The following DSCAML1 variants were observed in gnomAD, a reference collection of about 807,000 sequenced individuals.
DSCAML1 encodes DS cell adhesion molecule like 1.
A neutral mutation model predicts 200.5 loss-of-function variants in DSCAML1; 38 were observed. That is an observed-to-expected ratio of 0.19 (90% CI 0.15 to 0.25). The LOEUF is 0.25. Among genes scored for constraint, DSCAML1 ranks in the 10% least tolerant of loss-of-function variants. The pLI, the probability that DSCAML1 is intolerant of heterozygous loss-of-function variation, is 1.00. For synonymous variants in DSCAML1, 1,215 were observed against 1,165.0 expected (o/e 1.04, Z -0.87); for missense variants, 2,223 against 2,858.8 (o/e 0.78, Z 5.07).
chr11:117,714,910 C>T (rs1271849817), intron 3 of DSCAML1, among the ~76,000 whole-genome samples: 3 of 151,854 alleles, frequency 2.0e-5, no homozygotes, highest in Non-Finnish European at 4.4e-5. Context: ...AGGCCCCAGG[C>T]CCCAGCCGTC....
intron 3 of DSCAML1, among the ~76,000 whole-genome samples, chr11:117,742,070 T>G (rs1159520711): frequency 6.6e-6 from 1 of 152,202 alleles, no homozygotes; most frequent in Non-Finnish European, 1.5e-5. Flanking sequence ...CTTTGGACGA[T>G]GGCTGGCCCA....
intron 3 of DSCAML1, among the ~76,000 whole-genome samples, chr11:117,613,243 G>A (rs1167254780): frequency 6.6e-6 from 1 of 152,050 alleles, no homozygotes; most frequent in Non-Finnish European, 1.5e-5. Flanking sequence ...CAGGACTGCT[G>A]ATGTTGCTGG....
At chr11:117,790,640 C>T (rs1160009331) in intron 1 of DSCAML1, among the ~76,000 whole-genome samples, 1 of 152,186 alleles carries the variant, frequency 6.6e-6, no homozygotes, top group African/African-American at 2.4e-5. Context: ...TTGCCTCATT[C>T]TGTATACAAA....
At chr11:117,735,634 C>G (rs1008133093) in intron 3 of DSCAML1, among the ~76,000 whole-genome samples, 2 of 152,220 alleles carry the variant, frequency 1.3e-5, no homozygotes, top group Non-Finnish European at 2.9e-5. Context: ...AGAATGGCAG[C>G]CTGTGTGAGC....
intron 3 of DSCAML1, among the ~76,000 whole-genome samples, chr11:117,691,574 G>A (rs547104790): frequency 2.4e-4 from 37 of 152,266 alleles, no homozygotes; most frequent in South Asian, 4.2e-4. Context: ...CTTAGGAGCC[G>A]GGGCTACCGA....
chr11:117,773,654 A>G (rs1044876114), intron 3 of DSCAML1, among the ~76,000 whole-genome samples: 5 of 152,166 alleles, frequency 3.3e-5, no homozygotes, highest in Non-Finnish European at 7.3e-5. Flanking sequence ...ATTTGCCAAA[A>G]TTAAAGCATG....
At chr11:117,547,725 C>CACA (rs2050401989) in intron 3 of DSCAML1, among the ~76,000 whole-genome samples, 1 of 152,204 alleles carries the variant, frequency 6.6e-6, no homozygotes, top group African/African-American at 2.4e-5. Context: ...TTATCTAATT[C>CACA]ATTCTCACTA....
chr11:117,610,316 A>G (rs1334277850), intron 3 of DSCAML1, among the ~76,000 whole-genome samples: 2 of 152,182 alleles, frequency 1.3e-5, no homozygotes, highest in Non-Finnish European at 2.9e-5. Flanking sequence ...ACATTCTTCC[A>G]AAACTACCCC....
At chr11:117,552,099 C>T (rs1181678293) in intron 3 of DSCAML1, among the ~76,000 whole-genome samples, 1 of 151,944 alleles carries the variant, frequency 6.6e-6, no homozygotes. Context: ...GCTGCGGTAA[C>T]AGAGCCTGCA....
intron 3 of DSCAML1, among the ~76,000 whole-genome samples, chr11:117,628,214 T>G (rs891507803): frequency 6.6e-6 from 1 of 152,140 alleles, no homozygotes; most frequent in Non-Finnish European, 1.5e-5. Flanking sequence ...ATCCAAGAGT[T>G]TCCCTGCCAG....
Position 117,437,350 on chromosome 11 carries a change from GC to G in DSCAML1, c.4491del (p.Asn1499ThrfsTer40). 6.2e-7 allele frequency: 1 copy of G among 1,614,242 alleles called. No homozygotes were observed. The highest frequency in any genetic ancestry group is 8.5e-7 in the Non-Finnish European group (1 of 1,180,044). On this transcript the variant is annotated frameshift_variant, in exon 26 of 33. Coordinates refer to ENST00000651296, the MANE Select transcript of DSCAML1 (RefSeq NM_020693.4). LOFTEE classifies it high-confidence loss of function. This position sits in a 1 kb window ranked among gnomAD's most constrained non-coding sequence, Gnocchi z 5.3. Reference sequence around the variant, plus strand: ...CCATTGTTCCAGCCCTGCAGGTTAAGCCGAGCATGCGTGGAGTTGATGTGGG... The same window carrying G: ...CCATTGTTCCAGCCCTGCAGGTTAAGCGAGCATGCGTGGAGTTGATGTGGG... ...LFTHINSTHARLNLQGWNNGG... is the reference protein window; with the variant it reads ...LFTHINSTHAXLNLQGWNNGG...
intron 8 of DSCAML1, among the ~76,000 whole-genome samples, chr11:117,507,776 T>C (rs1169490566): frequency 6.6e-6 from 1 of 152,142 alleles, no homozygotes; most frequent in Admixed American, 6.5e-5. Context: ...TTATTCCAGA[T>C]CCACCTGGAA....
intron 6 of DSCAML1, among the ~76,000 whole-genome samples, chr11:117,520,579 A>G (rs760441430): frequency 6.6e-6 from 1 of 152,032 alleles, no homozygotes; most frequent in Non-Finnish European, 1.5e-5. Flanking sequence ...AACTCGGACA[A>G]GTGACCAAAG....
intron 2 of DSCAML1, among the ~76,000 whole-genome samples, chr11:117,777,938 G>T (rs2055161131): frequency 6.6e-6 from 1 of 152,138 alleles, no homozygotes. Flanking sequence ...CCAGAGCCCT[G>T]CTGCCTCCCG....
intron 31 of DSCAML1, 48 bp from the exon 32 acceptor site, chr11:117,431,081 G>A (rs1300474558): frequency 1.9e-6 from 3 of 1,541,498 alleles, no homozygotes. Context: ...GAGGGTATAA[G>A]TGAGACTGAC....
intron 3 of DSCAML1, among the ~76,000 whole-genome samples, chr11:117,644,359 G>C (rs1238362882): frequency 1.3e-5 from 2 of 152,234 alleles, no homozygotes; most frequent in African/African-American, 4.8e-5. Context: ...CTGGTTTTCC[G>C]AGCTGTGCTC....
At chr11:117,706,552 C>T (rs992526781) in intron 3 of DSCAML1, among the ~76,000 whole-genome samples, 4 of 152,128 alleles carry the variant, frequency 2.6e-5, no homozygotes, top group Admixed American at 2.6e-4. Flanking sequence ...CGTTCTGGGC[C>T]GGATTGACTT....
upstream of DSCAML1, chr11:117,797,236 C>T: frequency 6.8e-7 from 1 of 1,460,890 alleles, no homozygotes; most frequent in Non-Finnish European, 9.0e-7. Flanking sequence ...GCTCCTCCCT[C>T]CTCGGCTCCC....
chr11:117,440,772 T>A (rs2048027311), intron 21 of DSCAML1, among the ~76,000 whole-genome samples: 1 of 151,898 alleles, frequency 6.6e-6, no homozygotes, highest in African/African-American at 2.4e-5. Context: ...ATACAAAAAA[T>A]TAGCCGGGCA....
Sources: gnomAD v4.1 joint callset for allele counts (sites outside exome capture counted in the v4.1 genomes callset) on GRCh38, gnomAD v4.1.1 for gene constraint, Gnocchi (gnomAD v3.1) non-coding constraint, MANE v1.5 for transcripts, NCBI Gene and HGNC (gene_info 2026-07-23, HGNC 2026-07-21) for gene names.